The following CSMD1 variants were observed in gnomAD, a reference collection of about 807,000 sequenced individuals.
CSMD1 encodes the protein CUB and Sushi multiple domains 1.
CSMD1 carries 213 observed loss-of-function variants against 417.5 expected under a neutral mutation model. The ratio of observed to expected loss-of-function variants is 0.51; its 90% CI spans 0.46 to 0.57. The LOEUF (loss-of-function observed/expected upper bound fraction) is 0.57. Ranked by LOEUF, CSMD1 falls within the 20% of genes least tolerant of loss-of-function variation. The pLI is 0.00. For missense variants in CSMD1, 6,923 were observed against 4,529.7 expected, an observed-to-expected ratio of 1.53 and a Z score of -15.17; for synonymous variants, 2,862 against 1,736.8, an observed-to-expected ratio of 1.65 and a Z score of -16.11.
At chr8:3,862,752 G>C (rs76556185) in intron 5 of CSMD1, among the ~76,000 whole-genome samples, 5,738 of 152,176 alleles carry the variant, frequency 0.038, 107 homozygotes, top group Middle Eastern at 0.068. Context: ...GATTATGTTT[G>C]TTTTGCCACT....
intron 7 of CSMD1, among the ~76,000 whole-genome samples, chr8:3,665,191 T>C (rs566668505): frequency 1.1e-3 from 172 of 152,292 alleles, no homozygotes; most frequent in East Asian, 9.5e-3. Context: ...ATTAGGTATT[T>C]GCATCTTTTA....
At chr8:4,203,684 G>C (rs568076874) in intron 3 of CSMD1, among the ~76,000 whole-genome samples, 1 of 151,912 alleles carries the variant, frequency 6.6e-6, no homozygotes, top group African/African-American at 2.4e-5. Context: ...TTTGTAAGTA[G>C]GGATCACACA....
At chr8:4,060,581 G>A (rs943971701) in intron 3 of CSMD1, among the ~76,000 whole-genome samples, 2 of 152,176 alleles carry the variant, frequency 1.3e-5, no homozygotes, top group African/African-American at 4.8e-5. Flanking sequence ...TCCAGGGGAA[G>A]GTCATTCTGG....
At chr8:3,950,059 T>G in intron 5 of CSMD1, 2 of 448,084 alleles carry the variant, frequency 4.5e-6, no homozygotes, top group Non-Finnish European at 8.9e-6. Flanking sequence ...CAGACAGGAC[T>G]GAGTTGCCAG....
At chr8:4,486,101 A>C (rs1048416502) in intron 2 of CSMD1, among the ~76,000 whole-genome samples, 1 of 146,970 alleles carries the variant, frequency 6.8e-6, no homozygotes, top group Non-Finnish European at 1.5e-5. Context: ...TCATACATAT[A>C]TATGTATGTA....
At chr8:3,675,685 A>G (rs115521033) in intron 7 of CSMD1, among the ~76,000 whole-genome samples, 2,000 of 152,280 alleles carry the variant, frequency 0.013, 41 homozygotes, top group African/African-American at 0.045. Flanking sequence ...CCATCTGCAA[A>G]CCAGGAAACG....
At chr8:3,689,586 G>A (rs372097516) in intron 7 of CSMD1, among the ~76,000 whole-genome samples, 1 of 152,274 alleles carries the variant, frequency 6.6e-6, no homozygotes, top group East Asian at 1.9e-4. Context: ...GGACAGTTCA[G>A]TTCACTCTTA....
intron 2 of CSMD1, among the ~76,000 whole-genome samples, chr8:4,500,016 C>G (rs1217687): frequency 0.8 from 121,249 of 151,100 alleles, 48,660 homozygotes; most frequent in East Asian, 0.86. Flanking sequence ...GAGAAAGAAG[C>G]GGGAGAAGTT....
chr8:3,328,977 G>A (rs894285373), intron 23 of CSMD1, among the ~76,000 whole-genome samples: 1 of 152,122 alleles, frequency 6.6e-6, no homozygotes, highest in Non-Finnish European at 1.5e-5. Flanking sequence ...CCATTATCAT[G>A]TACCAAAGGG....
intron 3 of CSMD1, among the ~76,000 whole-genome samples, chr8:4,144,290 A>G (rs1803977300): frequency 6.6e-6 from 1 of 150,882 alleles, no homozygotes; most frequent in South Asian, 2.1e-4. Flanking sequence ...CACCCCACTT[A>G]AACAGGATAC....
chr8:4,411,501 T>C (rs1382005783), intron 3 of CSMD1, among the ~76,000 whole-genome samples: 1 of 152,230 alleles, frequency 6.6e-6, no homozygotes, highest in Non-Finnish European at 1.5e-5. Context: ...CTTAACAATA[T>C]TCATTCCCAC....
At chr8:3,262,124 T>C (rs1801110693) in intron 26 of CSMD1, among the ~76,000 whole-genome samples, 1 of 148,882 alleles carries the variant, frequency 6.7e-6, no homozygotes. Context: ...AGTTGCAGTA[T>C]TCATTTGAAT....
chr8:3,713,095 A>G (rs538263926), intron 6 of CSMD1, among the ~76,000 whole-genome samples: 2 of 152,352 alleles, frequency 1.3e-5, no homozygotes, highest in Admixed American at 1.3e-4. Context: ...CTCTTTTCTG[A>G]TAACAACATT....
intron 3 of CSMD1, among the ~76,000 whole-genome samples, chr8:4,241,845 G>A (rs183313260): frequency 2.6e-5 from 4 of 152,076 alleles, no homozygotes; most frequent in Admixed American, 6.6e-5. Context: ...CAAGTATGGG[G>A]TGATTTTTAA....
At position 3,650,914 on chromosome 8, in the gene CSMD1, G is replaced by C. The variant is rs535175421; in HGVS notation, c.1010-34117C>G. ...ATATCGAACGTCTTCTCAGACTTCTGGTCTCTCCGACTCCGATCTTGCAAG... is the reference window on the plus strand; with the variant it reads ...ATATCGAACGTCTTCTCAGACTTCTCGTCTCTCCGACTCCGATCTTGCAAG... On this transcript the variant is annotated intron_variant, in intron 7 of 69. Coordinates refer to ENST00000635120, the MANE Select transcript of CSMD1 (RefSeq NM_033225.6). 3.3e-5 allele frequency among the ~76,000 whole-genome samples: 5 copies of C among 152,162 alleles called. No homozygotes were observed. The South Asian group carries it at 8.3e-4, about 25-fold the overall frequency.
At chr8:4,164,911 A>G (rs1584941402) in intron 3 of CSMD1, among the ~76,000 whole-genome samples, 1 of 151,596 alleles carries the variant, frequency 6.6e-6, no homozygotes, top group South Asian at 2.1e-4. Flanking sequence ...ATGTATATAT[A>G]TAGTTTGATA....
intron 2 of CSMD1, among the ~76,000 whole-genome samples, chr8:4,554,070 T>C (rs1312259569): frequency 6.6e-6 from 1 of 152,200 alleles, no homozygotes; most frequent in Non-Finnish European, 1.5e-5. Flanking sequence ...AGTACCAAAC[T>C]TCAGGTTTTT....
intron 8 of CSMD1, among the ~76,000 whole-genome samples, chr8:3,599,823 G>T (rs1291542206): frequency 1.3e-5 from 2 of 152,146 alleles, no homozygotes; most frequent in African/African-American, 4.8e-5. Flanking sequence ...ATCAAAATCT[G>T]CTGGGAGCAA....
At chr8:4,840,034 G>C (rs1056425775) in intron 1 of CSMD1, among the ~76,000 whole-genome samples, 1 of 152,138 alleles carries the variant, frequency 6.6e-6, no homozygotes, top group Non-Finnish European at 1.5e-5. Flanking sequence ...AGCCTGGTTT[G>C]GGGTTCACAG....
Sources: allele counts gnomAD v4.1 joint callset (sites outside exome capture counted in the v4.1 genomes callset), GRCh38; gene constraint gnomAD v4.1.1; transcripts MANE v1.5; gene names NCBI Gene and HGNC (gene_info 2026-07-23, HGNC 2026-07-21).